Variants in MYRIP observed in about 807,000 individuals in gnomAD.
MYRIP encodes rab effector MyRIP.
Under a neutral mutation model 98.0 loss-of-function variants are expected in MYRIP, and 49 were observed. The observed-to-expected ratio is 0.50, with a 90% CI of 0.40 to 0.63. MYRIP has a LOEUF of 0.63. MYRIP is among the 30% of genes least tolerant of loss of function. The probability of loss-of-function intolerance (pLI) is 0.00; values close to 1 mark genes in which losing one functional copy is unlikely to be tolerated. For missense variants in MYRIP, 1,004 were observed against 1,058.2 expected (o/e 0.95, Z 0.71); for synonymous variants, 404 against 409.5 (o/e 0.99, Z 0.16).
chr3:40,131,848 T>A (rs1289225763), intron 3 of MYRIP, among the ~76,000 whole-genome samples: 1 of 152,110 alleles, frequency 6.6e-6, no homozygotes, highest in East Asian at 1.9e-4. Flanking sequence ...TCTCCTCTTT[T>A]CCAAAACTTT....
chr3:40,093,347 AC>A (rs1948763368), intron 3 of MYRIP, among the ~76,000 whole-genome samples: 2 of 152,140 alleles, frequency 1.3e-5, no homozygotes, highest in Non-Finnish European at 2.9e-5. Flanking sequence ...CTTAATAACC[AC>A]CACCTGGCAA....
intron 2 of MYRIP, among the ~76,000 whole-genome samples, chr3:39,974,088 A>G (rs975171351): frequency 3.7e-4 from 51 of 137,740 alleles, no homozygotes; most frequent in African/African-American, 1.1e-3. Context: ...AAAAAACCCT[A>G]TAAAAAAATC....
intron 3 of MYRIP, chr3:40,100,116 G>C (rs1172344863): frequency 1.0e-6 from 1 of 985,288 alleles, no homozygotes; most frequent in Non-Finnish European, 1.2e-6. Flanking sequence ...CTCTGTCTGG[G>C]CTTTTCTGGC....
At position 39,821,371 on chromosome 3, in the gene MYRIP, C is replaced by CA. The variant is rs1234378586; in HGVS notation, c.-31+11457dup. Among the ~76,000 whole-genome samples, 5 of 151,116 alleles carry CA rather than the reference C, an allele frequency of 3.3e-5. No individual in the cohort carries two copies. The East Asian group carries it at 8.0e-4, about 24-fold the overall frequency. ...CTTAGTGCCTTCTTTGCCTTTTGGC[C>CA]AATCTCACCAGAGTTTTTACTGGTT... On this transcript the variant is annotated intron_variant, in intron 1 of 16. Coordinates refer to ENST00000302541, the MANE Select transcript of MYRIP (RefSeq NM_015460.4).
intron 1 of MYRIP, among the ~76,000 whole-genome samples, chr3:39,845,118 T>C (rs1332534544): frequency 6.6e-6 from 1 of 152,180 alleles, no homozygotes; most frequent in Non-Finnish European, 1.5e-5. Flanking sequence ...ACAACGGCAA[T>C]AAAAGCAACA....
intron 3 of MYRIP, among the ~76,000 whole-genome samples, chr3:40,124,086 T>C (rs1949467369): frequency 6.6e-6 from 1 of 152,208 alleles, no homozygotes; most frequent in Admixed American, 6.5e-5. Flanking sequence ...ACTTCTGCCA[T>C]ATTCTAGTGA....
intron 1 of MYRIP, among the ~76,000 whole-genome samples, chr3:39,877,772 T>A (rs1020800736): frequency 3.3e-5 from 5 of 152,184 alleles, no homozygotes; most frequent in African/African-American, 9.7e-5. Flanking sequence ...ACCTCCCAGT[T>A]AGGCTGCTCG....
At chr3:39,943,564 A>C (rs532569648) in intron 2 of MYRIP, among the ~76,000 whole-genome samples, 1 of 152,158 alleles carries the variant, frequency 6.6e-6, no homozygotes, top group Non-Finnish European at 1.5e-5. Flanking sequence ...TCTGTTTTCC[A>C]TAAGTTATCC....
chr3:40,145,731 C>G (rs1370632462), intron 3 of MYRIP, among the ~76,000 whole-genome samples: 1 of 152,174 alleles, frequency 6.6e-6, no homozygotes, highest in Non-Finnish European at 1.5e-5. Context: ...GGCAGCATAT[C>G]CATCACAGAA....
chr3:40,107,007 A>G (rs67449830), intron 3 of MYRIP, among the ~76,000 whole-genome samples: 35,803 of 152,138 alleles, frequency 0.24, 4,531 homozygotes, highest in East Asian at 0.36. Context: ...AGCTAAACCT[A>G]TTGACATATA....
At chr3:40,225,432 T>C (rs769882217) in intron 11 of MYRIP, among the ~76,000 whole-genome samples, 5 of 152,210 alleles carry the variant, frequency 3.3e-5, no homozygotes, top group Non-Finnish European at 7.3e-5. Flanking sequence ...GACTCCTCTC[T>C]TCCTGATCTG....
intron 3 of MYRIP, among the ~76,000 whole-genome samples, chr3:40,099,111 T>G (rs1948889908): frequency 6.6e-6 from 1 of 152,190 alleles, no homozygotes; most frequent in South Asian, 2.1e-4. Context: ...TAGAACTTTC[T>G]GGTGACCACC....
At chr3:39,846,929 G>A (rs750990819) in intron 1 of MYRIP, among the ~76,000 whole-genome samples, 3 of 152,098 alleles carry the variant, frequency 2.0e-5, no homozygotes, top group Admixed American at 2.0e-4. Context: ...AAATCTGAAG[G>A]CAGTCTGCTG....
chr3:39,985,152 A>C (rs566436682), intron 2 of MYRIP, among the ~76,000 whole-genome samples: 9 of 151,976 alleles, frequency 5.9e-5, no homozygotes, highest in East Asian at 5.8e-4. Context: ...AAGCATTCTT[A>C]TACACCAACA....
intron 2 of MYRIP, among the ~76,000 whole-genome samples, chr3:39,998,706 G>A (rs1160491239): frequency 1.3e-5 from 2 of 152,276 alleles, no homozygotes; most frequent in East Asian, 1.9e-4. Flanking sequence ...CCAAAAAAGA[G>A]CCCGCATTGC....
intron 10 of MYRIP, among the ~76,000 whole-genome samples, chr3:40,196,287 T>G (rs1016255801): frequency 2.0e-5 from 3 of 152,178 alleles, no homozygotes; most frequent in Admixed American, 6.5e-5. Flanking sequence ...TTTACTTTCT[T>G]GTTTTCATAC....
intron 1 of MYRIP, among the ~76,000 whole-genome samples, chr3:39,878,246 G>A (rs1183465249): frequency 6.6e-6 from 1 of 152,212 alleles, no homozygotes; most frequent in South Asian, 2.1e-4. Context: ...GGTGCTGTCT[G>A]TCACCCCTTT....
intron 2 of MYRIP, among the ~76,000 whole-genome samples, chr3:39,973,598 C>T (rs1024253588): frequency 5.2e-4 from 79 of 152,280 alleles, no homozygotes; most frequent in Admixed American, 1.6e-3. Flanking sequence ...ACAGAATATA[C>T]GTTCTTCTCA....
chr3:40,216,426 C>G (rs940146924), intron 11 of MYRIP, among the ~76,000 whole-genome samples: 3 of 152,132 alleles, frequency 2.0e-5, no homozygotes, highest in African/African-American at 7.2e-5. Context: ...TGGAAAACAT[C>G]TCTGGGTAGA....
Sources: allele counts gnomAD v4.1 joint callset (sites outside exome capture counted in the v4.1 genomes callset), GRCh38; gene constraint gnomAD v4.1.1; transcripts MANE v1.5; gene names NCBI Gene and HGNC (gene_info 2026-07-23, HGNC 2026-07-21).